Variants in GPRIN2 observed in about 807,000 individuals in gnomAD.
GPRIN2 encodes the protein G protein regulated inducer of neurite outgrowth 2, also known as G protein-regulated inducer of neurite outgrowth 2.
Under a neutral mutation model 0.3 loss-of-function variants are expected in GPRIN2, and 1 was observed. That is an observed-to-expected ratio of 3.90 (90% CI 1.39 to 18.51). The LOEUF (loss-of-function observed/expected upper bound fraction) is 18.51, where lower values mean the gene tolerates loss of function less well. Among genes scored for constraint, GPRIN2 ranks in the 30% most tolerant of loss-of-function variants. The pLI, the probability that GPRIN2 is intolerant of heterozygous loss-of-function variation, is 0.11. For missense variants in GPRIN2, 880 were observed against 604.2 expected, an observed-to-expected ratio of 1.46 and a Z score of -4.79; for synonymous variants, 361 against 258.6, an observed-to-expected ratio of 1.40 and a Z score of -3.80.
At chr10:46,554,200 A>G (rs1842918657) in intron 2 of GPRIN2, among the ~76,000 whole-genome samples, 1 of 152,308 alleles carries the variant, frequency 6.6e-6, no homozygotes, top group South Asian at 2.1e-4. Flanking sequence ...GCTTAAGTTC[A>G]TGGTATAACA....
chr10:46,545,321 G>A lies in GPRIN2; in HGVS notation c.*4039C>T, dbSNP rs1460416823. On this transcript the variant is annotated 3_prime_UTR_variant, in exon 3 of 3. Coordinates refer to ENST00000374314, the MANE Select transcript of GPRIN2 (RefSeq NM_001385282.1). ...AGCCTGCCTGCCAGAGAGCAGAAGT[G>A]CCTGGAGGCTACATCTTCACCCCTG... Among the ~76,000 whole-genome samples the A allele has an allele frequency of 6.6e-6, 1 of 152,306 alleles. No individual in the cohort carries two copies. Among genetic ancestry groups the A allele is most frequent in the Non-Finnish European group, 1.5e-5 (1 of 68,058 alleles).
upstream of GPRIN2, among the ~76,000 whole-genome samples, chr10:46,557,114 A>G (rs1843340706): frequency 6.7e-6 from 1 of 150,076 alleles, no homozygotes; most frequent in Non-Finnish European, 1.5e-5. Context: ...CGCCTTCTCC[A>G]TCCTAGCTCC....
chr10:46,542,190 G>T lies in GPRIN2; in HGVS notation c.*7170C>A, dbSNP rs1833074727. The stretch of plus-strand genomic sequence containing the variant: ...CAGAAGGCTGCAGGGCAGGGGCCAG[G>T]TGGGCAGCAACAGGGAACAAATCTG... On this transcript the variant is annotated 3_prime_UTR_variant, in exon 3 of 3. Coordinates refer to ENST00000374314, the MANE Select transcript of GPRIN2 (RefSeq NM_001385282.1). Among the ~76,000 whole-genome samples, 1 of 152,428 alleles carries T rather than the reference G, an allele frequency of 6.6e-6. No homozygotes were observed. The highest frequency in any genetic ancestry group is 1.9e-4 in the East Asian group (1 of 5,196).
intron 2 of GPRIN2, among the ~76,000 whole-genome samples, chr10:46,552,271 C>T (rs2133296235): frequency 6.6e-6 from 1 of 152,418 alleles, no homozygotes; most frequent in African/African-American, 2.4e-5. Context: ...AGTGTCTGGG[C>T]CACCTCGGCC....
At chr10:46,556,448 G>A (rs1355896904) in intron 1 of GPRIN2, among the ~76,000 whole-genome samples, 50 bp downstream of exon 1, 1 of 152,186 alleles carries the variant, frequency 6.6e-6, no homozygotes, top group South Asian at 2.1e-4. Flanking sequence ...GGGAGGTGCC[G>A]CCCACCACGC....
rs55715829 is a variant in GPRIN2, at chr10:46,543,962, GT to G, written c.*5397del. On this transcript the variant is annotated 3_prime_UTR_variant, in exon 3 of 3. Transcript: ENST00000374314. ...GGCCCACGTCACTTTGGTTTCGCTT[GT>G]TTTTTTTTTTAGTAAACATCAGCTT... Among the ~76,000 whole-genome samples, 32 of 152,046 alleles carry G rather than the reference GT, an allele frequency of 2.1e-4. No individual in the cohort carries two copies. Among genetic ancestry groups the G allele is most frequent in the African/African-American group, 6.5e-4 (27 of 41,430 alleles).
In GPRIN2 at chr10:46,543,061, G is replaced by A. The variant is rs1408681249; in HGVS notation, c.*6299C>T. Among the ~76,000 whole-genome samples the A allele has an allele frequency of 1.3e-5, 2 of 152,306 alleles. No homozygotes were observed. The highest frequency in any genetic ancestry group is 6.5e-5 in the Admixed American group (1 of 15,294). ...AACTGATTTCTCATTCTGGGCAAAA[G>A]CAATGGAAACTTGGCACAGCAACCC... is the stretch of plus-strand genomic sequence containing the variant. On this transcript the variant is annotated 3_prime_UTR_variant, in exon 3 of 3. Coordinates refer to ENST00000374314, the MANE Select transcript of GPRIN2 (RefSeq NM_001385282.1).
chr10:46,549,663 T>G lies in GPRIN2; in HGVS notation c.1074A>C (p.Ala358=). Residue 358 remains alanine (A), a synonymous_variant, in exon 3 of 3, where the codon GCA becomes GCC. Transcript: ENST00000374314. ...TTACCTCTGGGAACACATGCAGGGC[T>G]GCAGGCGCTTCCAGGGACGGACTGG... is the stretch of plus-strand genomic sequence containing the variant. The part of the protein sequence containing the change: ...VATSPSLEAP[A]ALHVFPEVTL... The G allele has an allele frequency of 6.2e-7, 1 of 1,614,176 alleles. No individual in the cohort carries two copies. Among genetic ancestry groups the G allele is most frequent in the Non-Finnish European group, 8.5e-7 (1 of 1,179,956 alleles).
rs1833076391 is a variant in GPRIN2, at chr10:46,542,027, A to G, written c.*7333T>C. 6.0e-4 allele frequency among the ~76,000 whole-genome samples: 92 copies of G among 152,396 alleles called. No homozygotes were observed. Among genetic ancestry groups the G allele is most frequent in the Middle Eastern group, 3.4e-3 (1 of 294 alleles). On this transcript the variant is annotated 3_prime_UTR_variant, in exon 3 of 3. Transcript: ENST00000374314. The stretch of plus-strand genomic sequence containing the variant: ...CCCAACTCTGAAGAGAAAAAAAATC[A>G]AACCAAAGAGTTTTCCTCAAGAGTT...
intron 2 of GPRIN2, among the ~76,000 whole-genome samples, chr10:46,554,353 A>G (rs1831998481): frequency 0.017 from 2,608 of 150,872 alleles, no homozygotes; most frequent in African/African-American, 0.06. Context: ...TCTCCCTATC[A>G]CCAAACTAGG....
At position 46,549,620 on chromosome 10, in the gene GPRIN2, C is replaced by G. The variant is rs1381620495; in HGVS notation, c.1117G>C (p.Glu373Gln). 3 of 1,614,258 alleles carry G rather than the reference C, an allele frequency of 1.9e-6. No homozygotes were observed. The Middle Eastern group carries it at 5.0e-4, about 266-fold the overall frequency. Residue 373 changes from glutamate to glutamine, a missense_variant, in exon 3 of 3, where the codon GAG becomes CAG. Physicochemically the swap from Glu to Gln is conservative, Grantham distance 29. Transcript: ENST00000374314. ...TCCCGCACAGGGGACGGCACCTCCT[C>G]CAGGCTGGACCCCAGAGTTACCTCT... The part of the protein sequence containing the change: ...FPEVTLGSSL[E>Q]EVPSPVRDVR...
At position 46,546,771 on chromosome 10, in the gene GPRIN2, G is replaced by A. The variant is rs1451270332; in HGVS notation, c.*2589C>T. Among the ~76,000 whole-genome samples, 1 of 152,310 alleles carries A rather than the reference G, an allele frequency of 6.6e-6. No individual in the cohort carries two copies. The highest frequency in any genetic ancestry group is 2.4e-5 in the African/African-American group (1 of 41,488). Reference sequence around the variant, plus strand: ...GTCACTTCAGGTAGACCTGTCAGCAGCAGCTGTGCAACTGGGCTAGGGAGA... The same window carrying A: ...GTCACTTCAGGTAGACCTGTCAGCAACAGCTGTGCAACTGGGCTAGGGAGA... On this transcript the variant is annotated 3_prime_UTR_variant, in exon 3 of 3. Transcript: ENST00000374314.
In GPRIN2 at chr10:46,550,406, C is replaced by T. The variant is rs1832380621; in HGVS notation, c.331G>A (p.Ala111Thr). ...CTCTGCATAGCAGCAGCACTAGGGG[C>T]CCGCAGGCGACACAGGTCACTGCCG... ...MGGSDLCRLR[A>T]PSAAAMQRSH... is the part of the protein sequence containing the mutation. The change falls in exon 3 of 3, where the codon GCC (alanine) becomes ACC (threonine). Residue 111 changes from alanine (A) to threonine (T), a missense_variant. Physicochemically the swap from Ala to Thr is moderately conservative, Grantham distance 58. Coordinates refer to ENST00000374314, the MANE Select transcript of GPRIN2 (RefSeq NM_001385282.1). 2 of 1,611,796 alleles carry T rather than the reference C, an allele frequency of 1.2e-6. No homozygotes were observed. Among genetic ancestry groups the T allele is most frequent in the Admixed American group, 3.3e-5 (2 of 59,982 alleles).
At chr10:46,557,082 C>CCGG (rs1555026641), upstream of GPRIN2, among the ~76,000 whole-genome samples, 4 of 151,636 alleles carry the variant, frequency 2.6e-5, no homozygotes, top group South Asian at 2.1e-4. Context: ...GGTCTCCGCG[C>CCGG]CGGCGGCTAC....
Position 46,542,138 on chromosome 10 carries a change from T to G in GPRIN2, c.*7222A>C, listed in dbSNP as rs905641627. On this transcript the variant is annotated 3_prime_UTR_variant, in exon 3 of 3. Transcript: ENST00000374314. Reference sequence around the variant, plus strand: ...CTCCCAGTCTGTTGACTGCTAAAAATGAGAAGTGAACAGAGAGAAGGCCAG... The same window carrying G: ...CTCCCAGTCTGTTGACTGCTAAAAAGGAGAAGTGAACAGAGAGAAGGCCAG... 2.6e-5 allele frequency among the ~76,000 whole-genome samples: 4 copies of G among 152,312 alleles called. No homozygotes were observed. Among genetic ancestry groups the G allele is most frequent in the African/African-American group, 9.6e-5 (4 of 41,488 alleles).
At chr10:46,553,811 A>T (rs1832025658) in intron 2 of GPRIN2, among the ~76,000 whole-genome samples, 1 of 152,306 alleles carries the variant, frequency 6.6e-6, no homozygotes, top group African/African-American at 2.4e-5. Context: ...CAGAACCCCA[A>T]TGGATTGGCC....
intron 2 of GPRIN2, chr10:46,551,560 A>C: frequency 5.2e-6 from 5 of 963,252 alleles, no homozygotes; most frequent in Non-Finnish European, 6.2e-6. Context: ...GGATTCATTC[A>C]GACCTTTCTG....
chr10:46,553,021 G>A (rs1842786408), intron 2 of GPRIN2, among the ~76,000 whole-genome samples: 2 of 152,312 alleles, frequency 1.3e-5, no homozygotes, highest in African/African-American at 2.4e-5. Flanking sequence ...CTCGCCAAGG[G>A]CCAGACACGT....
chr10:46,549,554 C>T lies in GPRIN2; in HGVS notation c.1183G>A (p.Gly395Arg), dbSNP rs1832681808. The T allele has an allele frequency of 9.9e-6, 16 of 1,614,058 alleles. No homozygotes were observed. The highest frequency in any genetic ancestry group is 4.5e-5 in the East Asian group (2 of 44,894). ...DAEGMTWEVY[G>R]AAVDLEVLGV... ...AGCACCTCCAGGTCCACCGCAGCTC[C>T]GTACACCTCCCATGTCATGCCCTCA... Residue 395 changes from glycine (G) to arginine (R), a missense_variant, in exon 3 of 3, where the codon GGA (glycine) becomes AGA (arginine). Physicochemically the swap from Gly to Arg is moderately radical, Grantham distance 125 (BLOSUM62 -2). Coordinates refer to ENST00000374314, the MANE Select transcript of GPRIN2 (RefSeq NM_001385282.1).
Sources: allele counts gnomAD v4.1 joint callset (sites outside exome capture counted in the v4.1 genomes callset), GRCh38; gene constraint gnomAD v4.1.1; transcripts MANE v1.5; gene names NCBI Gene and HGNC (gene_info 2026-07-23, HGNC 2026-07-21).